The following SBF2 variants were observed in gnomAD, a reference collection of about 807,000 sequenced individuals.
SBF2 encodes the protein SET binding factor 2.
In SBF2, 112 loss-of-function variants were observed where a neutral mutation model predicts 225.2. That is an observed-to-expected ratio of 0.50 (90% CI 0.43 to 0.58). The LOEUF (loss-of-function observed/expected upper bound fraction) is 0.58, where lower values mean the gene tolerates loss of function less well. SBF2 is among the 20% of genes least tolerant of loss of function. The probability of loss-of-function intolerance (pLI) is 0.00; values close to 1 mark genes in which losing one functional copy is unlikely to be tolerated. For missense variants in SBF2, 1,996 were observed against 2,206.2 expected, an observed-to-expected ratio of 0.90 and a Z score of 1.91; for synonymous variants, 763 against 773.3, an observed-to-expected ratio of 0.99 and a Z score of 0.22.
chr11:10,060,207 A>T lies in SBF2; in HGVS notation c.142-17226T>A, dbSNP rs559079068. ...ATGGCAAAGGGGATGTTACTACTGA[A>T]CCCACAGAAACAAAAATAACCATCA... On this transcript the variant is annotated intron_variant, in intron 2 of 39. Transcript: ENST00000256190. Among the ~76,000 whole-genome samples, 6 of 152,246 alleles carry T rather than the reference A, an allele frequency of 3.9e-5. No homozygotes were observed. The South Asian group carries it at 1.2e-3, about 32-fold the overall frequency.
chr11:10,001,790 T>C (rs1590725241), intron 7 of SBF2, among the ~76,000 whole-genome samples: 2 of 152,248 alleles, frequency 1.3e-5, no homozygotes, highest in East Asian at 3.9e-4. Flanking sequence ...CCTACCAAAG[T>C]GCTGGGATTA....
intron 26 of SBF2, among the ~76,000 whole-genome samples, 183 bp from the exon 27 acceptor site, chr11:9,832,603 T>A (rs1301045812): frequency 1.3e-5 from 2 of 152,110 alleles, no homozygotes; most frequent in Non-Finnish European, 2.9e-5. Flanking sequence ...TTTTCTTTTT[T>A]AATTTTATTT....
intron 14 of SBF2, 86 bp from the exon 15 acceptor site, chr11:9,963,968 A>G (rs1866742653): frequency 7.5e-6 from 6 of 802,930 alleles, no homozygotes; most frequent in Non-Finnish European, 1.0e-5. Context: ...TTAAGACTGT[A>G]GGTTGGGCGT....
At chr11:10,288,998 G>A (rs367796499) in intron 1 of SBF2, among the ~76,000 whole-genome samples, 53 of 152,286 alleles carry the variant, frequency 3.5e-4, no homozygotes, top group African/African-American at 1.2e-3. Flanking sequence ...CAGGCTTCTC[G>A]CTTCAAGGGG....
At chr11:10,262,476 T>C (rs1961542641) in intron 1 of SBF2, among the ~76,000 whole-genome samples, 4 of 152,128 alleles carry the variant, frequency 2.6e-5, no homozygotes, top group Admixed American at 2.6e-4. Context: ...AGTCTTACTG[T>C]CTAGAGCACT....
In SBF2 at chr11:10,101,582, G is replaced by A. The variant is rs537363442; in HGVS notation, c.142-58601C>T. ...TGGAAGCTGCAGTGAAATGGAACCCGGAAACCTGGTATGCCGGCAAAAAGG... is the reference window on the plus strand; with the variant it reads ...TGGAAGCTGCAGTGAAATGGAACCCAGAAACCTGGTATGCCGGCAAAAAGG... On this transcript the variant is annotated intron_variant, in intron 2 of 39. Transcript: ENST00000256190. Among the ~76,000 whole-genome samples, 3 of 152,002 alleles carry A rather than the reference G, an allele frequency of 2.0e-5. 1 individual carries two copies. Among genetic ancestry groups the A allele is most frequent in the South Asian group, 4.2e-4 (2 of 4,810 alleles).
chr11:10,049,328 TG>T (rs1428042106), intron 2 of SBF2, among the ~76,000 whole-genome samples: 1 of 152,216 alleles, frequency 6.6e-6, no homozygotes, highest in East Asian at 1.9e-4. Flanking sequence ...TAGTTGTGGC[TG>T]GGTGCGATGG....
intron 1 of SBF2, among the ~76,000 whole-genome samples, chr11:10,274,269 T>A (rs998498590): frequency 6.6e-6 from 1 of 152,180 alleles, no homozygotes; most frequent in Non-Finnish European, 1.5e-5. Flanking sequence ...TAGGGTTTCA[T>A]TTTATTAAGA....
chr11:10,232,863 C>A (rs1455903716), intron 1 of SBF2, among the ~76,000 whole-genome samples: 1 of 152,194 alleles, frequency 6.6e-6, no homozygotes, highest in African/African-American at 2.4e-5. Context: ...TCTATAACAG[C>A]AAGGAGTCCT....
intron 3 of SBF2, among the ~76,000 whole-genome samples, chr11:10,035,150 A>C (rs1407053590): frequency 6.6e-6 from 1 of 151,216 alleles, no homozygotes; most frequent in Non-Finnish European, 1.5e-5. Context: ...TTTTTTTTGT[A>C]TTTTTAGTAG....
chr11:10,239,852 AT>A (rs1242198041), intron 1 of SBF2, among the ~76,000 whole-genome samples: 2 of 152,184 alleles, frequency 1.3e-5, no homozygotes, highest in African/African-American at 4.8e-5. Context: ...AATTTTGATT[AT>A]GTTTTATGTG....
At chr11:10,173,298 T>C (rs1270943347) in intron 2 of SBF2, among the ~76,000 whole-genome samples, 2 of 152,114 alleles carry the variant, frequency 1.3e-5, no homozygotes, top group African/African-American at 4.8e-5. Flanking sequence ...GGTCAGTGGG[T>C]GCGTGCACCG....
chr11:9,851,009 G>A (rs61876910), intron 21 of SBF2, among the ~76,000 whole-genome samples: 28,229 of 151,676 alleles, frequency 0.19, 3,185 homozygotes, highest in Non-Finnish European at 0.25. Flanking sequence ...GGTGGCAGGC[G>A]CCTGTAATCT....
chr11:10,094,468 T>C (rs1951925158), intron 2 of SBF2, among the ~76,000 whole-genome samples: 2 of 151,780 alleles, frequency 1.3e-5, no homozygotes, highest in Admixed American at 6.6e-5. Flanking sequence ...CATATGAGTC[T>C]GTGGGTATGT....
chr11:9,974,627 G>T (rs1030620088), intron 13 of SBF2, among the ~76,000 whole-genome samples: 1 of 146,482 alleles, frequency 6.8e-6, no homozygotes, highest in Non-Finnish European at 1.5e-5. Context: ...TGTTGGAAAG[G>T]CTAAAACAAG....
At chr11:9,860,126 C>A (rs1347420435) in intron 17 of SBF2, among the ~76,000 whole-genome samples, 1 of 152,208 alleles carries the variant, frequency 6.6e-6, no homozygotes, top group Non-Finnish European at 1.5e-5. Context: ...CACACTGAAT[C>A]ACAAGCTCCT....
intron 1 of SBF2, among the ~76,000 whole-genome samples, chr11:10,223,108 T>A (rs778512718): frequency 1.8e-4 from 27 of 151,822 alleles, no homozygotes; most frequent in Non-Finnish European, 3.4e-4. Context: ...AGAAACAAAT[T>A]ATTTGTTAAG....
At chr11:10,247,453 G>C (rs769292086) in intron 1 of SBF2, among the ~76,000 whole-genome samples, 42 of 151,820 alleles carry the variant, frequency 2.8e-4, no homozygotes, top group Non-Finnish European at 4.6e-4. Flanking sequence ...GGCCGAGGTG[G>C]GAAGATCACT....
intron 13 of SBF2, among the ~76,000 whole-genome samples, chr11:9,981,531 T>A (rs1055930982): frequency 6.6e-6 from 1 of 152,246 alleles, no homozygotes; most frequent in African/African-American, 2.4e-5. Context: ...TTTTATTTTT[T>A]CAAGAGATAT....
Sources: gnomAD v4.1 joint callset for allele counts (sites outside exome capture counted in the v4.1 genomes callset) on GRCh38, gnomAD v4.1.1 for gene constraint, MANE v1.5 for transcripts, NCBI Gene and HGNC (gene_info 2026-07-23, HGNC 2026-07-21) for gene names.